Variants in MIPOL1 observed in about 807,000 individuals in gnomAD.
MIPOL1 encodes the protein mirror-image polydactyly 1.
Under a neutral mutation model 60.9 loss-of-function variants are expected in MIPOL1, and 57 were observed. The ratio of observed to expected loss-of-function variants is 0.94; its 90% CI spans 0.76 to 1.17. MIPOL1 has a LOEUF of 1.17. MIPOL1 is among the 50% of genes most tolerant of loss of function. The pLI is 0.00. For missense variants in MIPOL1, 551 were observed against 511.6 expected (o/e 1.08, Z -0.74); for synonymous variants, 179 against 168.8 (o/e 1.06, Z -0.47).
At chr14:37,304,118 G>A (rs2086576989) in intron 7 of MIPOL1, among the ~76,000 whole-genome samples, 1 of 151,524 alleles carries the variant, frequency 6.6e-6, no homozygotes, top group Non-Finnish European at 1.5e-5. Context: ...TATATTTGGG[G>A]GCATCGAGTA....
intron 1 of MIPOL1, among the ~76,000 whole-genome samples, chr14:37,232,002 A>T (rs1970711053): frequency 6.6e-6 from 1 of 152,176 alleles, no homozygotes; most frequent in South Asian, 2.1e-4. Context: ...GGATCACTTG[A>T]GCCCAGGAAT....
chr14:37,275,552 A>T (rs1427326271), intron 6 of MIPOL1, among the ~76,000 whole-genome samples: 1 of 150,402 alleles, frequency 6.6e-6, no homozygotes, highest in East Asian at 1.9e-4. Context: ...GTTCAATTAA[A>T]CCTTTCATTT....
At chr14:37,456,970 C>T (rs979040915) in intron 11 of MIPOL1, among the ~76,000 whole-genome samples, 18 of 151,962 alleles carry the variant, frequency 1.2e-4, no homozygotes, top group South Asian at 2.1e-4. Flanking sequence ...TTAATATTTG[C>T]ATAATAATTG....
At chr14:37,534,862 C>T (rs544858002) in intron 12 of MIPOL1, among the ~76,000 whole-genome samples, 18 of 152,062 alleles carry the variant, frequency 1.2e-4, no homozygotes, top group Non-Finnish European at 2.5e-4. Flanking sequence ...AGATATCTAA[C>T]TTACAAAGCC....
At chr14:37,526,597 GGTCTTGATCTCCTGACCTT>G (rs1481399149) in intron 12 of MIPOL1, among the ~76,000 whole-genome samples, 46 of 150,584 alleles carry the variant, frequency 3.1e-4, no homozygotes, top group Middle Eastern at 3.4e-3. Context: ...TAGCCAGGAT[GGTCTTGATCTCCTGACCTT>G]GTGATCTGCC....
chr14:37,235,268 T>C (rs548952474), intron 1 of MIPOL1, among the ~76,000 whole-genome samples: 1 of 152,348 alleles, frequency 6.6e-6, no homozygotes, highest in Non-Finnish European at 1.5e-5. Context: ...TATGAATTCA[T>C]TGAATACAAT....
intron 12 of MIPOL1, among the ~76,000 whole-genome samples, chr14:37,538,581 A>G (rs2095516689): frequency 6.6e-6 from 1 of 152,190 alleles, no homozygotes. Context: ...TAGGATCAAT[A>G]CTATAGTGGG....
chr14:37,369,658 G>A, intron 10 of MIPOL1, 34 bp downstream of exon 10: 9 of 1,540,712 alleles, frequency 5.8e-6, no homozygotes, highest in Non-Finnish European at 8.1e-6. Context: ...GGCAAATTAA[G>A]GTTGTAAGCC....
chr14:37,467,723 G>A (rs1373222591), intron 11 of MIPOL1, among the ~76,000 whole-genome samples: 1 of 152,044 alleles, frequency 6.6e-6, no homozygotes, highest in Admixed American at 6.6e-5. Context: ...AGTCTTTGAG[G>A]TGCTAAAGAT....
intron 9 of MIPOL1, among the ~76,000 whole-genome samples, chr14:37,361,806 A>T (rs2092271842): frequency 1.3e-5 from 2 of 151,704 alleles, no homozygotes; most frequent in African/African-American, 4.8e-5. Context: ...TCCGGGTTGC[A>T]CCATGTTAGC....
At chr14:37,205,226 C>T (rs1250822580) in intron 1 of MIPOL1, among the ~76,000 whole-genome samples, 1 of 151,988 alleles carries the variant, frequency 6.6e-6, no homozygotes, top group African/African-American at 2.4e-5. Context: ...CTTCAGCCTC[C>T]TGAGTAGCTG....
At position 37,500,139 on chromosome 14, in the gene MIPOL1, G is replaced by A. The variant is rs1161461952; in HGVS notation, c.1262+1G>A. ...AAGTGGCCAATGAAAAAGTTCAAAA[G>A]TAAGTTAAATGATCTTGTAATAATA... On this transcript the variant is annotated splice_donor_variant, in intron 12 of 12. Coordinates refer to ENST00000684589, the MANE Select transcript of MIPOL1 (RefSeq NM_001388067.1). LOFTEE classifies it high-confidence loss of function. 1 of 1,587,484 alleles carries A rather than the reference G, an allele frequency of 6.3e-7. No homozygotes were observed. Among genetic ancestry groups the A allele is most frequent in the Admixed American group, 1.8e-5 (1 of 56,722 alleles).
At chr14:37,233,206 T>C (rs912454287) in intron 1 of MIPOL1, among the ~76,000 whole-genome samples, 1 of 152,168 alleles carries the variant, frequency 6.6e-6, no homozygotes, top group African/African-American at 2.4e-5. Context: ...TCTTTGATTG[T>C]TGGGGCCAGT....
intron 9 of MIPOL1, among the ~76,000 whole-genome samples, chr14:37,327,789 T>C (rs2153451630): frequency 6.6e-6 from 1 of 152,312 alleles, no homozygotes; most frequent in Non-Finnish European, 1.5e-5. Context: ...ATTATTTTGC[T>C]CTTCTTAAAG....
intron 9 of MIPOL1, among the ~76,000 whole-genome samples, chr14:37,326,198 G>A (rs2089143315): frequency 1.3e-5 from 2 of 152,184 alleles, no homozygotes; most frequent in South Asian, 4.1e-4. Context: ...CTGCCACTTA[G>A]CTGGCACTGT....
intron 12 of MIPOL1, chr14:37,507,790 A>C (rs2095292341): frequency 1.3e-5 from 2 of 152,148 alleles, no homozygotes; most frequent in African/African-American, 4.8e-5. Flanking sequence ...ACTCTGAAAA[A>C]TTCACTGTCT....
At chr14:37,216,062 C>CAAAAAAAAAAAAAAAA (rs71449980) in intron 1 of MIPOL1, among the ~76,000 whole-genome samples, 4 of 85,832 alleles carry the variant, frequency 4.7e-5, no homozygotes, top group Admixed American at 1.3e-4. Context: ...ACCTCCATCT[C>CAAAAAAAAAAAAAAAA]AAAAAAAAAA....
chr14:37,342,440 C>T (rs570704594), intron 9 of MIPOL1, among the ~76,000 whole-genome samples: 17 of 151,252 alleles, frequency 1.1e-4, no homozygotes, highest in East Asian at 2.0e-4. Flanking sequence ...CTCTGTCACC[C>T]GGGCTGGAGT....
At chr14:37,396,733 CT>C (rs1476586247) in intron 10 of MIPOL1, among the ~76,000 whole-genome samples, 1 of 152,090 alleles carries the variant, frequency 6.6e-6, no homozygotes, top group African/African-American at 2.4e-5. Flanking sequence ...TCTTCAAGCT[CT>C]GAATTTCTTT....
Sources: allele counts gnomAD v4.1 joint callset (sites outside exome capture counted in the v4.1 genomes callset), GRCh38; gene constraint gnomAD v4.1.1; transcripts MANE v1.5; gene names NCBI Gene and HGNC (gene_info 2026-07-23, HGNC 2026-07-21).